The following LRP1B variants were observed in gnomAD, a reference collection of about 807,000 sequenced individuals.
LRP1B encodes low-density lipoprotein receptor-related protein 1B.
LRP1B carries 217 observed loss-of-function variants against 556.6 expected under a neutral mutation model. That is an observed-to-expected ratio of 0.39 (90% CI 0.35 to 0.44). LRP1B has a LOEUF of 0.44. LRP1B is among the 20% of genes least tolerant of loss of function. The pLI is 1.00. For synonymous variants in LRP1B, 2,047 were observed against 1,865.8 expected (o/e 1.10, Z -2.50); for missense variants, 5,053 against 5,620.8 (o/e 0.90, Z 3.23).
chr2:140,669,420 TG>T (rs1685402439), intron 41 of LRP1B, among the ~76,000 whole-genome samples: 1 of 152,158 alleles, frequency 6.6e-6, no homozygotes, highest in African/African-American at 2.4e-5. Context: ...AGGAAGATTT[TG>T]TAAAAGCTCT....
At chr2:141,504,492 T>C (rs189416672) in intron 2 of LRP1B, among the ~76,000 whole-genome samples, 1 of 152,052 alleles carries the variant, frequency 6.6e-6, no homozygotes. Flanking sequence ...TCATACTAAG[T>C]GATAGTTTGA....
intron 2 of LRP1B, among the ~76,000 whole-genome samples, chr2:141,552,796 G>A (rs1474957658): frequency 6.6e-6 from 1 of 151,748 alleles, no homozygotes; most frequent in East Asian, 1.9e-4. Context: ...AATTCTACTG[G>A]GATTATTGGG....
chr2:140,640,169 AT>A (rs1005020043), intron 41 of LRP1B, among the ~76,000 whole-genome samples: 6 of 148,724 alleles, frequency 4.0e-5, no homozygotes, highest in Non-Finnish European at 8.9e-5. Flanking sequence ...CGCCTGGCTA[AT>A]TTTTTTTGTA....
At chr2:142,002,767 C>T (rs137912827) in intron 1 of LRP1B, among the ~76,000 whole-genome samples, 155 of 152,166 alleles carry the variant, frequency 1.0e-3, no homozygotes, top group African/African-American at 3.2e-3. Flanking sequence ...TTTCAGAGAA[C>T]GTAGCCACTT....
intron 4 of LRP1B, among the ~76,000 whole-genome samples, chr2:141,247,994 G>A (rs1169995065): frequency 6.6e-6 from 1 of 152,062 alleles, no homozygotes; most frequent in Non-Finnish European, 1.5e-5. Flanking sequence ...AATCACCTGA[G>A]GCCAGGAGTT....
At chr2:141,442,479 T>C (rs151221012) in intron 3 of LRP1B, among the ~76,000 whole-genome samples, 5,553 of 150,760 alleles carry the variant, frequency 0.037, 360 homozygotes, top group African/African-American at 0.13. Context: ...GTGCAGAACA[T>C]GTAGGTTTGT....
chr2:141,369,637 C>G (rs942502286), intron 3 of LRP1B, among the ~76,000 whole-genome samples: 1 of 152,056 alleles, frequency 6.6e-6, no homozygotes, highest in Non-Finnish European at 1.5e-5. Context: ...TATAAGCAAT[C>G]TACAATCTGT....
At chr2:140,345,273 T>G (rs1417987719) in intron 77 of LRP1B, among the ~76,000 whole-genome samples, 4 of 151,768 alleles carry the variant, frequency 2.6e-5, no homozygotes, top group Non-Finnish European at 5.9e-5. Flanking sequence ...TTCCCTAAAT[T>G]TCTTAAGGTC....
chr2:141,575,118 T>C (rs535832728), intron 2 of LRP1B, among the ~76,000 whole-genome samples: 1 of 152,246 alleles, frequency 6.6e-6, no homozygotes, highest in Non-Finnish European at 1.5e-5. Context: ...TATTTTAAAT[T>C]TTATATGGAA....
chr2:141,842,484 A>G (rs762698894), intron 1 of LRP1B, among the ~76,000 whole-genome samples: 19 of 152,134 alleles, frequency 1.2e-4, no homozygotes, highest in Non-Finnish European at 2.4e-4. Context: ...TCACCTAAAA[A>G]TGGGGATAAT....
rs138369201 is a variant in LRP1B, at chr2:141,547,585, T to C, written c.206-67052A>G. ...GCATTCCCACTTTCACCAGTCCACTTTTCACTCCAATCATCAAAAACTACT... is the reference window on the plus strand; with the variant it reads ...GCATTCCCACTTTCACCAGTCCACTCTTCACTCCAATCATCAAAAACTACT... On this transcript the variant is annotated intron_variant, in intron 2 of 90. Transcript: ENST00000389484. Among the ~76,000 whole-genome samples the C allele has an allele frequency of 3.3e-3, 496 of 152,198 alleles. 3 individuals are homozygous for C. The highest frequency in any genetic ancestry group is 5.2e-3 in the Non-Finnish European group (354 of 67,996).
chr2:140,635,274 C>A (rs550900), intron 41 of LRP1B, among the ~76,000 whole-genome samples: 1 of 151,708 alleles, frequency 6.6e-6, no homozygotes, highest in Non-Finnish European at 1.5e-5. Flanking sequence ...AAGCTTTTAG[C>A]AGAATGCATG....
chr2:142,040,624 G>T (rs1465920476), intron 1 of LRP1B, among the ~76,000 whole-genome samples: 10 of 143,756 alleles, frequency 7.0e-5, no homozygotes, highest in Non-Finnish European at 1.4e-4. Context: ...CAGTACTGAG[G>T]TTTTTTTTTT....
intron 7 of LRP1B, among the ~76,000 whole-genome samples, chr2:141,148,217 T>G (rs1208046309): frequency 6.6e-6 from 1 of 152,220 alleles, no homozygotes; most frequent in East Asian, 1.9e-4. Context: ...AACATCTGTC[T>G]ATGTACTAGG....
chr2:141,559,837 T>A (rs1302548156), intron 2 of LRP1B, among the ~76,000 whole-genome samples: 1 of 151,710 alleles, frequency 6.6e-6, no homozygotes. Flanking sequence ...TATTGTATAA[T>A]ATAAATAATT....
At chr2:140,324,835 G>A (rs1176205334) in intron 80 of LRP1B, among the ~76,000 whole-genome samples, 2 of 147,344 alleles carry the variant, frequency 1.4e-5, no homozygotes, top group Non-Finnish European at 3.0e-5. Context: ...GCCAGAACAA[G>A]TTAACTTCAT....
At chr2:140,295,768 C>G (rs1683576785) in intron 84 of LRP1B, among the ~76,000 whole-genome samples, 1 of 149,790 alleles carries the variant, frequency 6.7e-6, no homozygotes, top group African/African-American at 2.5e-5. Context: ...TACAAGTGTC[C>G]TTGGGTGTAG....
At chr2:140,691,284 C>A (rs1029424351) in intron 41 of LRP1B, among the ~76,000 whole-genome samples, 1 of 151,962 alleles carries the variant, frequency 6.6e-6, no homozygotes, top group Non-Finnish European at 1.5e-5. Context: ...CCAGCCTGAC[C>A]AACATGGAGA....
At chr2:140,776,071 T>C (rs1385322772) in intron 33 of LRP1B, 27 bp downstream of exon 33, 2 of 1,512,848 alleles carry the variant, frequency 1.3e-6, no homozygotes, top group Non-Finnish European at 8.9e-7. Context: ...ATTCAAGACC[T>C]GGCACAAATT....
Sources: allele counts gnomAD v4.1 joint callset (sites outside exome capture counted in the v4.1 genomes callset), GRCh38; gene constraint gnomAD v4.1.1; transcripts MANE v1.5; gene names NCBI Gene and HGNC (gene_info 2026-07-23, HGNC 2026-07-21).